The following TAPT1 variants were observed in gnomAD, a reference collection of about 807,000 sequenced individuals.
TAPT1 encodes transmembrane anterior posterior transformation protein 1 homolog.
Under a neutral mutation model 65.6 loss-of-function variants are expected in TAPT1, and 28 were observed. That is an observed-to-expected ratio of 0.43 (90% CI 0.32 to 0.59). TAPT1 has a LOEUF of 0.59. TAPT1 is among the 20% of genes least tolerant of loss of function. The pLI is 0.09. For synonymous variants in TAPT1, 278 were observed against 245.2 expected (o/e 1.13, Z -1.25); for missense variants, 563 against 679.9 (o/e 0.83, Z 1.91).
intron 12 of TAPT1, among the ~76,000 whole-genome samples, chr4:16,168,279 A>T (rs1211501860): frequency 1.5e-4 from 23 of 151,844 alleles, no homozygotes; most frequent in Non-Finnish European, 2.9e-4. Context: ...CGCCCAGCTA[A>T]TTTTCTTTTT....
chr4:16,214,250 T>C lies in TAPT1; in HGVS notation c.200-352A>G, dbSNP rs562379070. 1.2e-4 allele frequency among the ~76,000 whole-genome samples: 18 copies of C among 152,220 alleles called. No homozygotes were observed. In the East Asian group the frequency reaches 3.1e-3, roughly 26 times the overall value. On this transcript the variant is annotated intron_variant, in intron 1 of 13. Coordinates refer to ENST00000405303, the MANE Select transcript of TAPT1 (RefSeq NM_153365.3). The stretch of plus-strand genomic sequence containing the variant: ...CAGTAGGTGTCAAGAATATATAAAA[T>C]AGAGCAATATATAGAGTCAAAAGGG...
At chr4:16,227,272 G>A (rs1437918663), upstream of TAPT1, 7 of 455,514 alleles carry the variant, frequency 1.5e-5, no homozygotes, top group South Asian at 1.1e-4. Context: ...CGGGACTGGG[G>A]TTAGGAGACA....
chr4:16,170,221 T>C (rs1415236390), intron 12 of TAPT1, among the ~76,000 whole-genome samples: 1 of 152,252 alleles, frequency 6.6e-6, no homozygotes, highest in African/African-American at 2.4e-5. Context: ...TGGATTCCAC[T>C]GGTCACAGAC....
At chr4:16,194,419 A>G (rs1456876248) in intron 3 of TAPT1, among the ~76,000 whole-genome samples, 1 of 152,184 alleles carries the variant, frequency 6.6e-6, no homozygotes, top group African/African-American at 2.4e-5. Flanking sequence ...TGCAGCAGGG[A>G]TGGAAACTTG....
At chr4:16,172,927 G>A (rs1748099007) in intron 11 of TAPT1, among the ~76,000 whole-genome samples, 1 of 151,838 alleles carries the variant, frequency 6.6e-6, no homozygotes, top group African/African-American at 2.4e-5. Flanking sequence ...AGGTTCAAGT[G>A]ATTCTCCTGC....
chr4:16,204,924 T>A (rs1251183196), intron 2 of TAPT1, among the ~76,000 whole-genome samples: 1 of 152,256 alleles, frequency 6.6e-6, no homozygotes, highest in Non-Finnish European at 1.5e-5. Flanking sequence ...ACTTTAATGC[T>A]AAGGAAATTA....
intron 4 of TAPT1, among the ~76,000 whole-genome samples, chr4:16,189,146 C>T (rs903959462): frequency 6.6e-6 from 1 of 151,988 alleles, no homozygotes; most frequent in African/African-American, 2.4e-5. Flanking sequence ...TCCTTGAATA[C>T]AGTATAACAG....
In TAPT1 at chr4:16,191,645, T is replaced by A. The variant is rs552255654; in HGVS notation, c.450-122A>T. 1.3e-5 allele frequency: 14 copies of A among 1,105,708 alleles called. No homozygotes were observed. In the Admixed American group the frequency reaches 1.4e-4, roughly 11 times the overall value. The allele number at this position is 1,105,708 out of a possible 1,614,324, so 68.5% of individuals were successfully genotyped here. A position where few individuals can be genotyped will look rare whatever the true frequency, so the allele number is the denominator to read the frequency against. ...AAAAATAAGAATTATGTTGATCTTTTAAAAACTTCAAACAAGGGAGGTTAA... is the reference window on the plus strand; with the variant it reads ...AAAAATAAGAATTATGTTGATCTTTAAAAAACTTCAAACAAGGGAGGTTAA... On this transcript the variant is annotated intron_variant, in intron 3 of 13. Coordinates refer to ENST00000405303, the MANE Select transcript of TAPT1 (RefSeq NM_153365.3).
chr4:16,183,516 A>G lies in TAPT1; in HGVS notation c.916+3019T>C, dbSNP rs556564728. 3.3e-5 allele frequency among the ~76,000 whole-genome samples: 5 copies of G among 152,286 alleles called. No homozygotes were observed. The East Asian group carries it at 7.7e-4, about 24-fold the overall frequency. ...AAAAATGAAAAGGGGTATTAATTAC[A>G]TCAACATGCTGGCCATAAGGTTAAA... is the stretch of plus-strand genomic sequence containing the variant. On this transcript the variant is annotated intron_variant, in intron 7 of 13. Coordinates refer to ENST00000405303, the MANE Select transcript of TAPT1 (RefSeq NM_153365.3).
At chr4:16,208,585 A>G (rs1750473036) in intron 2 of TAPT1, among the ~76,000 whole-genome samples, 1 of 152,214 alleles carries the variant, frequency 6.6e-6, no homozygotes, top group South Asian at 2.1e-4. Context: ...CTAGAAGACA[A>G]CAAGCAAGAG....
rs1560674744 is a variant in TAPT1 at position 16,161,257 on chromosome 4, T to C, written c.*2051A>G. 1.3e-5 allele frequency: 2 copies of C among 152,754 alleles called. No individual in the cohort carries two copies. The highest frequency in any genetic ancestry group is 4.8e-5 in the African/African-American group (2 of 41,574). The allele number at this position is 152,754 out of a possible 1,614,324, so 9.5% of individuals were successfully genotyped here. A position where few individuals can be genotyped will look rare whatever the true frequency, so the allele number is the denominator to read the frequency against. On this transcript the variant is annotated 3_prime_UTR_variant, in exon 14 of 14. Transcript: ENST00000405303. ...ACAGTGGGAAATTCACTCTACCAAA[T>C]ACAATAGTAAATATTAAAATAAATT...
intron 2 of TAPT1, among the ~76,000 whole-genome samples, chr4:16,209,543 T>C (rs958020892): frequency 3.3e-5 from 5 of 152,220 alleles, no homozygotes; most frequent in Non-Finnish European, 5.9e-5. Flanking sequence ...CTATTTACTG[T>C]AGCTTTAGAT....
rs1198236105 is a variant in TAPT1 at position 16,161,970 on chromosome 4, G to A, written c.*1338C>T. 1 of 152,192 alleles carries A rather than the reference G, an allele frequency of 6.6e-6. No homozygotes were observed. The highest frequency in any genetic ancestry group is 1.5e-5 in the Non-Finnish European group (1 of 68,024). The allele number at this position is 152,192 out of a possible 1,614,324, so 9.4% of individuals were successfully genotyped here. ...AGTTCTGACACCAGAAGTTGTAGAAGTTTTACAGAAATGCAAACACGGTTG... is the reference window on the plus strand; with the variant it reads ...AGTTCTGACACCAGAAGTTGTAGAAATTTTACAGAAATGCAAACACGGTTG... On this transcript the variant is annotated 3_prime_UTR_variant, in exon 14 of 14. Transcript: ENST00000405303.
intron 12 of TAPT1, among the ~76,000 whole-genome samples, chr4:16,167,297 G>C (rs1747704462): frequency 6.6e-6 from 1 of 151,926 alleles, no homozygotes; most frequent in Non-Finnish European, 1.5e-5. Context: ...GGCCTCCTTA[G>C]TTCTCTTGTA....
chr4:16,212,018 AGAAG>A (rs1345538749), intron 2 of TAPT1, among the ~76,000 whole-genome samples: 1 of 152,194 alleles, frequency 6.6e-6, no homozygotes, highest in Non-Finnish European at 1.5e-5. Flanking sequence ...AGAGAAAGAA[AGAAG>A]GAAGCGTGAA....
intron 2 of TAPT1, among the ~76,000 whole-genome samples, chr4:16,207,553 A>C (rs1482236043): frequency 6.6e-6 from 1 of 152,220 alleles, no homozygotes; most frequent in Non-Finnish European, 1.5e-5. Context: ...TCAATGAATC[A>C]TGCACTATTA....
chr4:16,189,868 T>C (rs1450887987), intron 4 of TAPT1, among the ~76,000 whole-genome samples: 2 of 152,150 alleles, frequency 1.3e-5, no homozygotes, highest in Non-Finnish European at 2.9e-5. Flanking sequence ...CACTTTCCAG[T>C]GTCCTAAGAT....
At chr4:16,188,167 A>G in intron 5 of TAPT1, 53 bp downstream of exon 5, 2 of 1,478,664 alleles carry the variant, frequency 1.4e-6, no homozygotes, top group Non-Finnish European at 1.8e-6. Context: ...CAAATAAAAT[A>G]AGGTAGACTA....
intron 2 of TAPT1, among the ~76,000 whole-genome samples, chr4:16,203,702 G>A (rs186978486): frequency 1.3e-5 from 2 of 152,224 alleles, no homozygotes; most frequent in East Asian, 1.9e-4. Flanking sequence ...ACTGACACTC[G>A]ATTGCACACT....
Sources: gnomAD v4.1 joint callset for allele counts (sites outside exome capture counted in the v4.1 genomes callset) on GRCh38, gnomAD v4.1.1 for gene constraint, MANE v1.5 for transcripts, NCBI Gene and HGNC (gene_info 2026-07-23, HGNC 2026-07-21) for gene names.